SEMA3A: variants seen among roughly 807,000 people sequenced by gnomAD.
The protein encoded by SEMA3A is semaphorin 3A.
Under a neutral mutation model 97.9 loss-of-function variants are expected in SEMA3A, and 29 were observed. The observed-to-expected ratio is 0.30, with a 90% confidence interval of 0.22 to 0.40. SEMA3A has a LOEUF of 0.40. SEMA3A is among the 10% of genes least tolerant of loss of function. SEMA3A has a pLI of 1.00. For missense variants in SEMA3A, 763 were observed against 951.3 expected, an observed-to-expected ratio of 0.80 and a Z score of 2.60; for synonymous variants, 321 against 323.7, an observed-to-expected ratio of 0.99 and a Z score of 0.09.
chr7:83,995,992 A>G (rs925281707), intron 12 of SEMA3A, among the ~76,000 whole-genome samples: 15 of 152,216 alleles, frequency 9.9e-5, no homozygotes, highest in African/African-American at 3.4e-4. Context: ...AATTGGGTTT[A>G]AAATACATGT....
intron 1 of SEMA3A, among the ~76,000 whole-genome samples, chr7:84,432,843 T>C (rs1232623446): frequency 6.6e-6 from 1 of 151,432 alleles, no homozygotes; most frequent in Non-Finnish European, 1.5e-5. Flanking sequence ...AATGCTGTGA[T>C]GAACATACAA....
At chr7:84,068,981 T>A (rs1451851587) in intron 4 of SEMA3A, among the ~76,000 whole-genome samples, 1 of 152,132 alleles carries the variant, frequency 6.6e-6, no homozygotes, top group East Asian at 1.9e-4. Flanking sequence ...TGTTTCCTTT[T>A]AATGTAATTC....
At chr7:84,030,341 G>A (rs1227892769) in intron 6 of SEMA3A, among the ~76,000 whole-genome samples, 6 of 152,014 alleles carry the variant, frequency 3.9e-5, no homozygotes, top group Non-Finnish European at 7.4e-5. Context: ...ATTAGAGCAC[G>A]TTTTTCTTCC....
chr7:84,449,003 G>A (rs1213489103), intron 1 of SEMA3A, among the ~76,000 whole-genome samples: 2 of 152,020 alleles, frequency 1.3e-5, no homozygotes, highest in African/African-American at 4.8e-5. Flanking sequence ...CACATATATG[G>A]CCAAAAGTAT....
chr7:84,260,528 G>A (rs954803600), intron 3 of SEMA3A, among the ~76,000 whole-genome samples: 1 of 152,146 alleles, frequency 6.6e-6, no homozygotes, highest in Non-Finnish European at 1.5e-5. Flanking sequence ...CTGAAGGCTC[G>A]AAAGTGCCTG....
intron 14 of SEMA3A, among the ~76,000 whole-genome samples, chr7:83,980,926 T>A (rs1398622495): frequency 6.6e-6 from 1 of 152,140 alleles, no homozygotes; most frequent in Non-Finnish European, 1.5e-5. Flanking sequence ...TAGGCCCCTG[T>A]GTACTACCTA....
intron 3 of SEMA3A, among the ~76,000 whole-genome samples, chr7:84,210,438 G>C (rs1798599665): frequency 6.6e-6 from 1 of 152,108 alleles, no homozygotes; most frequent in Admixed American, 6.6e-5. Context: ...CATAAAATAG[G>C]AGAGCGTGTG....
intron 4 of SEMA3A, among the ~76,000 whole-genome samples, chr7:84,095,351 T>TA (rs1485887699): frequency 0.019 from 577 of 29,620 alleles, 8 homozygotes; most frequent in African/African-American, 0.054. Flanking sequence ...TTTATATTTT[T>TA]TATATACATA....
chr7:84,273,751 T>G (rs1198345496), intron 3 of SEMA3A, among the ~76,000 whole-genome samples: 1 of 152,148 alleles, frequency 6.6e-6, no homozygotes, highest in African/African-American at 2.4e-5. Flanking sequence ...TGTCAAATGC[T>G]TGCTATATTT....
rs368471257 is a variant in SEMA3A at position 84,110,521 on chromosome 7, C to T, written c.402G>A (p.Thr134=). 1.3e-5 allele frequency: 21 copies of T among 1,613,784 alleles called. No individual in the cohort carries two copies. The highest frequency in any genetic ancestry group is 5.3e-5 in the African/African-American group (4 of 74,888). The change falls in exon 4 of 17, where the codon ACG becomes ACA. Residue 134 remains threonine (T), a synonymous_variant. Coordinates refer to ENST00000265362, the MANE Select transcript of SEMA3A (RefSeq NM_006080.3). ...AGGTGCAAATTGGATGAAAAGCCCC[C>T]GTTCCACAGGCGTACAAGTGAGTCT... ...YNQTHLYACG[T]GAFHPICTYI...
At chr7:84,172,617 G>A (rs1045728937) in intron 1 of SEMA3A, among the ~76,000 whole-genome samples, 34 of 151,862 alleles carry the variant, frequency 2.2e-4, no homozygotes, top group African/African-American at 7.7e-4. Flanking sequence ...CAGTAGAGAC[G>A]GGGTTTCACT....
intron 2 of SEMA3A, chr7:84,307,442 A>G (rs948307019): frequency 2.0e-5 from 3 of 152,200 alleles, no homozygotes; most frequent in Non-Finnish European, 4.4e-5. Flanking sequence ...GTATGAAGGT[A>G]AAGGAATTAT....
intron 3 of SEMA3A, among the ~76,000 whole-genome samples, chr7:84,284,830 T>C (rs77810023): frequency 0.092 from 13,958 of 152,166 alleles, 817 homozygotes; most frequent in South Asian, 0.18. Context: ...TTTCTGGGAA[T>C]AAAAGCCAAA....
chr7:84,450,709 C>T (rs891655432), intron 1 of SEMA3A, among the ~76,000 whole-genome samples: 1 of 152,132 alleles, frequency 6.6e-6, no homozygotes, highest in African/African-American at 2.4e-5. Flanking sequence ...TTACAACATC[C>T]TAACAGGTGT....
At chr7:84,039,968 G>A (rs373705377) in intron 6 of SEMA3A, among the ~76,000 whole-genome samples, 4 of 151,860 alleles carry the variant, frequency 2.6e-5, no homozygotes, top group Non-Finnish European at 1.5e-5. Context: ...TAGGGCATCT[G>A]AGAATTATAT....
intron 4 of SEMA3A, among the ~76,000 whole-genome samples, chr7:84,062,454 T>A (rs1793263640): frequency 6.6e-6 from 1 of 152,308 alleles, no homozygotes; most frequent in Admixed American, 6.5e-5. Context: ...GGTCTACGGC[T>A]CCCAGAGTGA....
At chr7:84,060,879 T>C (rs3801605) in intron 4 of SEMA3A, among the ~76,000 whole-genome samples, 20,683 of 152,208 alleles carry the variant, frequency 0.14, 1,691 homozygotes, top group East Asian at 0.37. Context: ...TTATAATCTA[T>C]CATAATGGCT....
chr7:84,273,272 T>C (rs775966479), intron 3 of SEMA3A, among the ~76,000 whole-genome samples: 10 of 152,226 alleles, frequency 6.6e-5, no homozygotes, highest in South Asian at 2.1e-4. Flanking sequence ...ATGCTAGGAA[T>C]AGAAATATAT....
chr7:84,264,819 C>T (rs1799949901), intron 3 of SEMA3A, among the ~76,000 whole-genome samples: 2 of 152,126 alleles, frequency 1.3e-5, no homozygotes, highest in Admixed American at 6.6e-5. Flanking sequence ...ACACTGTCTC[C>T]TGTAAGTAAT....
Sources: allele counts gnomAD v4.1 joint callset (sites outside exome capture counted in the v4.1 genomes callset), GRCh38; gene constraint gnomAD v4.1.1; transcripts MANE v1.5; gene names NCBI Gene and HGNC (gene_info 2026-07-23, HGNC 2026-07-21).